The following TRDN variants were observed in gnomAD, a reference collection of about 807,000 sequenced individuals.
The protein encoded by TRDN is triadin in skeletal muscle.
Under a neutral mutation model 149.7 loss-of-function variants are expected in TRDN, and 161 were observed. The ratio of observed to expected loss-of-function variants is 1.08; its 90% CI spans 0.95 to 1.23. The LOEUF is 1.23. Ranked by LOEUF, TRDN falls within the 50% of genes most tolerant of loss-of-function variation. The pLI is 0.00. For missense variants in TRDN, 896 were observed against 823.5 expected, an observed-to-expected ratio of 1.09 and a Z score of -1.08; for synonymous variants, 294 against 250.5, an observed-to-expected ratio of 1.17 and a Z score of -1.64.
At chr6:123,245,615 A>C (rs1313042573) in intron 38 of TRDN, among the ~76,000 whole-genome samples, 1 of 152,168 alleles carries the variant, frequency 6.6e-6, no homozygotes, top group East Asian at 1.9e-4. Flanking sequence ...ACCTACAAAG[A>C]GACTTAGACA....
At chr6:123,509,602 T>C (rs147381644) in intron 7 of TRDN, 272 of 152,250 alleles carry the variant, frequency 1.8e-3, no homozygotes, top group African/African-American at 6.4e-3. Context: ...TGGTGCTTCC[T>C]CAGTTGAAAC....
chr6:123,340,956 T>C (rs1780043710), intron 21 of TRDN, among the ~76,000 whole-genome samples: 1 of 152,032 alleles, frequency 6.6e-6, no homozygotes, highest in Non-Finnish European at 1.5e-5. Context: ...ATTGTTTTAA[T>C]AGTTAATATG....
At chr6:123,621,495 T>C (rs1034133596) in intron 1 of TRDN, among the ~76,000 whole-genome samples, 1 of 151,882 alleles carries the variant, frequency 6.6e-6, no homozygotes, top group Admixed American at 6.6e-5. Context: ...AAAAAGAACA[T>C]AAAAATATCA....
In TRDN at chr6:123,472,245, AG is replaced by A. The variant is rs1777197893; in HGVS notation, c.854-7263del. 2.0e-5 allele frequency among the ~76,000 whole-genome samples: 3 copies of A among 152,328 alleles called. No individual in the cohort carries two copies. The South Asian group carries it at 6.2e-4, about 32-fold the overall frequency. ...GCGCGCACCGTGCGCAAGCCAAAGC[AG>A]GGGGAGGCATTGCCTCAGTCGGGAA... On this transcript the variant is annotated intron_variant, in intron 9 of 40. Coordinates refer to ENST00000334268, the MANE Select transcript of TRDN (RefSeq NM_006073.4).
intron 10 of TRDN, among the ~76,000 whole-genome samples, chr6:123,463,408 G>A (rs143957150): frequency 1.1e-3 from 159 of 151,240 alleles, no homozygotes; most frequent in Non-Finnish European, 1.9e-3. Flanking sequence ...GAACCTAAGC[G>A]TCCTACTTAA....
At chr6:123,339,334 GT>G (rs1167548520) in intron 21 of TRDN, among the ~76,000 whole-genome samples, 2 of 151,884 alleles carry the variant, frequency 1.3e-5, no homozygotes, top group Non-Finnish European at 2.9e-5. Flanking sequence ...TTTTGTTTTT[GT>G]TTTTTAAGCT....
Position 123,529,317 on chromosome 6 carries a change from C to T in TRDN, c.484+1189G>A, listed in dbSNP as rs753694760. ...TTCTGTGATCAAAGGAATTAAGAAC[C>T]GAAAAAAGGAAAGAGAACAGTAAGG... On this transcript the variant is annotated intron_variant, in intron 5 of 40. Transcript: ENST00000334268. The T allele has an allele frequency of 5.2e-6, 8 of 1,548,118 alleles. No homozygotes were observed. In the Admixed American group the frequency reaches 9.8e-5, roughly 19 times the overall value.
rs1156740996 is a variant in TRDN at position 123,510,809 on chromosome 6, A to G, written c.610+1494T>C. Among the ~76,000 whole-genome samples the G allele has an allele frequency of 2.0e-5, 3 of 152,044 alleles. No individual in the cohort carries two copies. In the East Asian group the frequency reaches 5.8e-4, roughly 29 times the overall value. On this transcript the variant is annotated intron_variant, in intron 7 of 40. Transcript: ENST00000334268. ...CAAGTGTGTGCCACCACACCTGGCT[A>G]ATTTTTTAATTTTTACTAGAGACAG... is the stretch of plus-strand genomic sequence containing the variant.
chr6:123,236,023 A>C (rs1775774812), intron 38 of TRDN, among the ~76,000 whole-genome samples: 1 of 152,230 alleles, frequency 6.6e-6, no homozygotes, highest in East Asian at 1.9e-4. Flanking sequence ...GGCAAACATA[A>C]ATTTTTATTT....
intron 5 of TRDN, 24 bp downstream of exon 5, chr6:123,530,482 A>G: frequency 8.4e-7 from 1 of 1,193,386 alleles, no homozygotes; most frequent in South Asian, 1.8e-5. Flanking sequence ...TAAATGAAGA[A>G]TAAACATAAA....
intron 24 of TRDN, among the ~76,000 whole-genome samples, chr6:123,305,404 A>G (rs1778571360): frequency 6.6e-6 from 1 of 152,208 alleles, no homozygotes; most frequent in Admixed American, 6.6e-5. Context: ...TTATCTATCT[A>G]TAGGCTAGAC....
intron 2 of TRDN, among the ~76,000 whole-genome samples, chr6:123,551,447 A>G (rs999180483): frequency 2.0e-5 from 3 of 151,538 alleles, no homozygotes; most frequent in African/African-American, 7.3e-5. Flanking sequence ...CCAAATCCAG[A>G]TCATATCAAT....
chr6:123,454,886 A>G (rs1776010934), intron 10 of TRDN, among the ~76,000 whole-genome samples: 1 of 152,178 alleles, frequency 6.6e-6, no homozygotes, highest in Non-Finnish European at 1.5e-5. Flanking sequence ...TCTTCCAGGA[A>G]CCAGGTTCCT....
chr6:123,316,970 T>C (rs1779047926), intron 23 of TRDN, among the ~76,000 whole-genome samples: 1 of 151,780 alleles, frequency 6.6e-6, no homozygotes, highest in Non-Finnish European at 1.5e-5. Flanking sequence ...TTTCCGTTAG[T>C]ATCAATTTTA....
At chr6:123,533,686 G>A (rs961330806) in intron 4 of TRDN, among the ~76,000 whole-genome samples, 2 of 151,760 alleles carry the variant, frequency 1.3e-5, no homozygotes, top group African/African-American at 4.8e-5. Context: ...GGACCATCCT[G>A]AAAAAAAGAA....
Position 123,548,582 on chromosome 6 carries a change from G to T in TRDN, c.263C>A (p.Pro88His). ...ASSIAKIGSD[P>H]LKLVRDAMEE... Reference sequence around the variant, plus strand: ...CATAGCATCACGTACCAGTTTTAAAGGATCTGAGCCAATCTTGGCAATAGA... The same window carrying T: ...CATAGCATCACGTACCAGTTTTAAATGATCTGAGCCAATCTTGGCAATAGA... Residue 88 changes from proline to histidine, a missense_variant, in exon 3 of 41, where the codon CCT becomes CAT. Pro to His is a moderately conservative substitution (Grantham distance 77). Transcript: ENST00000334268. The T allele has an allele frequency of 6.6e-7, 1 of 1,522,574 alleles. No homozygotes were observed. Among genetic ancestry groups the T allele is most frequent in the East Asian group, 2.4e-5 (1 of 41,272 alleles). 94.3% of individuals were successfully genotyped at this position (1,522,574 alleles called of 1,614,324 possible). A position where few individuals can be genotyped will look rare whatever the true frequency, so the allele number is the denominator to read the frequency against.
At chr6:123,387,967 G>C (rs1562289866) in intron 14 of TRDN, among the ~76,000 whole-genome samples, 1 of 152,146 alleles carries the variant, frequency 6.6e-6, no homozygotes. Context: ...TGGATCTCTT[G>C]AATCTACAAA....
intron 9 of TRDN, chr6:123,488,928 T>C (rs937054036): frequency 1.3e-5 from 2 of 152,160 alleles, no homozygotes; most frequent in African/African-American, 4.8e-5. Context: ...CTGTAAAACA[T>C]GGATGATAAT....
chr6:123,315,925 A>C (rs1452887311), intron 24 of TRDN, among the ~76,000 whole-genome samples: 9 of 151,930 alleles, frequency 5.9e-5, no homozygotes, highest in African/African-American at 2.2e-4. Context: ...TTAATGGCCA[A>C]TAGGTCAATG....
Sources: gnomAD v4.1 joint callset for allele counts (sites outside exome capture counted in the v4.1 genomes callset) on GRCh38, gnomAD v4.1.1 for gene constraint, MANE v1.5 for transcripts, NCBI Gene and HGNC (gene_info 2026-07-23, HGNC 2026-07-21) for gene names.